Variants in AKT3 observed in about 807,000 individuals in gnomAD.
The protein encoded by AKT3 is RAC-gamma serine/threonine-protein kinase.
A neutral mutation model predicts 65.3 loss-of-function variants in AKT3; 15 were observed. That is an observed-to-expected ratio of 0.23 (90% CI 0.15 to 0.35). The LOEUF is 0.35. AKT3 is among the 10% of genes least tolerant of loss of function. The probability of loss-of-function intolerance (pLI) is 1.00; values close to 1 mark genes in which losing one functional copy is unlikely to be tolerated. For missense variants in AKT3, 243 were observed against 576.5 expected (o/e 0.42, Z 5.92); for synonymous variants, 206 against 183.8 (o/e 1.12, Z -0.98).
intron 2 of AKT3, among the ~76,000 whole-genome samples, chr1:243,701,380 A>G (rs368423444): frequency 6.6e-5 from 10 of 152,208 alleles, no homozygotes; most frequent in Non-Finnish European, 1.3e-4. Flanking sequence ...CATGAAAGGT[A>G]GAAAGATGTG....
At chr1:243,751,957 A>G (rs1688834799) in intron 2 of AKT3, among the ~76,000 whole-genome samples, 1 of 151,890 alleles carries the variant, frequency 6.6e-6, no homozygotes. Context: ...CTCAACCAAA[A>G]CTCTACTAGC....
intron 2 of AKT3, among the ~76,000 whole-genome samples, chr1:243,791,655 GC>G (rs1370080465): frequency 6.6e-6 from 1 of 152,166 alleles, no homozygotes; most frequent in Non-Finnish European, 1.5e-5. Flanking sequence ...AAGAAATCTT[GC>G]CCCCTTCCCT....
intron 2 of AKT3, among the ~76,000 whole-genome samples, chr1:243,786,915 A>C (rs924158981): frequency 6.6e-6 from 1 of 152,188 alleles, no homozygotes; most frequent in Non-Finnish European, 1.5e-5. Flanking sequence ...AAAGGAAATT[A>C]AAGAAGGCAA....
At chr1:243,755,067 AAT>A (rs1398268269) in intron 2 of AKT3, among the ~76,000 whole-genome samples, 2 of 151,888 alleles carry the variant, frequency 1.3e-5, no homozygotes, top group Admixed American at 6.6e-5. Flanking sequence ...AGTCCTTTTT[AAT>A]TATTATTGGT....
intron 2 of AKT3, among the ~76,000 whole-genome samples, chr1:243,775,370 T>C (rs1049211899): frequency 2.0e-5 from 3 of 152,138 alleles, no homozygotes; most frequent in Non-Finnish European, 2.9e-5. Flanking sequence ...TTAGTAGAGA[T>C]GGGGTTTTAC....
At chr1:243,637,580 AT>A in intron 6 of AKT3, 30 bp downstream of exon 6, 2 of 1,563,444 alleles carry the variant, frequency 1.3e-6, no homozygotes, top group Non-Finnish European at 8.7e-7. Context: ...GCAAACAAAA[AT>A]TTAGTAATCA....
At chr1:243,660,069 T>C (rs1406778258) in intron 4 of AKT3, among the ~76,000 whole-genome samples, 1 of 151,970 alleles carries the variant, frequency 6.6e-6, no homozygotes, top group African/African-American at 2.4e-5. Context: ...CAGTTCCTCC[T>C]TGTACCTCTG....
chr1:243,703,128 G>C (rs543247986), intron 2 of AKT3: 1 of 152,182 alleles, frequency 6.6e-6, no homozygotes, highest in South Asian at 2.1e-4. Flanking sequence ...ATATTTAGTT[G>C]CCTGTTGACA....
In AKT3 at chr1:243,545,549, G is replaced by C; in HGVS notation, c.1212C>G (p.Phe404Leu). The C allele has an allele frequency of 6.2e-7, 1 of 1,612,810 alleles. No homozygotes were observed. Among genetic ancestry groups the C allele is most frequent in the South Asian group, 1.1e-5 (1 of 91,018 alleles). Residue 404 changes from phenylalanine (F) to leucine (L), a missense_variant, in exon 12 of 14, where the codon TTC becomes TTG. Phe to Leu is a conservative substitution (Grantham distance 22). Around this residue, in one of 6 missense-constraint regions of AKT3, gnomAD observed 57 missense variants for 107.6 expected, o/e 0.53. Transcript: ENST00000673466. ...DDAKEIMRHS[F>L]FSGVNWQDVY... ...CATCTTGCCAGTTTACTCCAGAGAA[G>C]AAACTGTGTCTCATAATTTCTTTTG...
At chr1:243,583,808 C>A (rs920067879) in intron 8 of AKT3, among the ~76,000 whole-genome samples, 1 of 151,906 alleles carries the variant, frequency 6.6e-6, no homozygotes, top group African/African-American at 2.4e-5. Flanking sequence ...ATTCCAGGGA[C>A]GCAGCAAAAG....
intron 3 of AKT3, among the ~76,000 whole-genome samples, chr1:243,683,232 A>C (rs1684046177): frequency 6.6e-6 from 1 of 152,148 alleles, no homozygotes. Context: ...ATGAGAAAAC[A>C]TATGTGAAAG....
intron 6 of AKT3, among the ~76,000 whole-genome samples, chr1:243,628,626 C>T (rs1369617346): frequency 6.6e-6 from 1 of 152,192 alleles, no homozygotes; most frequent in African/African-American, 2.4e-5. Context: ...TCCAGATCAA[C>T]TTTGGAACCA....
Position 243,500,255 on chromosome 1 carries a change from A to G in AKT3, c.*4994T>C, listed in dbSNP as rs542088024. The G allele has an allele frequency of 1.9e-3, 455 of 234,504 alleles. 1 individual carries two copies. The highest frequency in any genetic ancestry group is 3.0e-3 in the South Asian group (19 of 6,326). The allele number at this position is 234,504 out of a possible 1,614,324, so 14.5% of individuals were successfully genotyped here. On this transcript the variant is annotated 3_prime_UTR_variant, in exon 14 of 14. Coordinates refer to ENST00000673466, the MANE Select transcript of AKT3 (RefSeq NM_005465.7). ...ATCAATCATCCTTCACCTTTAATCAATGTCCCATCAGACTCCATTTTATTT... is the reference window on the plus strand; with the variant it reads ...ATCAATCATCCTTCACCTTTAATCAGTGTCCCATCAGACTCCATTTTATTT...
intron 8 of AKT3, among the ~76,000 whole-genome samples, chr1:243,592,163 G>A (rs879282461): frequency 6.6e-5 from 10 of 151,806 alleles, no homozygotes; most frequent in African/African-American, 9.7e-5. Context: ...GTGAAACCCC[G>A]TCGCTACTAA....
At chr1:243,703,052 C>CA (rs2148049861) in intron 2 of AKT3, 1 of 152,238 alleles carries the variant, frequency 6.6e-6, no homozygotes, top group African/African-American at 2.4e-5. Context: ...TTACCTAAGA[C>CA]AAAAACAGAT....
chr1:243,643,272 GT>G (rs1292041230), intron 5 of AKT3, among the ~76,000 whole-genome samples: 2 of 152,196 alleles, frequency 1.3e-5, no homozygotes, highest in Non-Finnish European at 2.9e-5. Context: ...GTCAAACTTA[GT>G]GGGAAAGCAG....
chr1:243,843,471 T>C (rs1311999825), intron 1 of AKT3, 189 bp from the exon 2 acceptor site: 1 of 1,081,762 alleles, frequency 9.2e-7, no homozygotes, highest in Non-Finnish European at 1.1e-6. Flanking sequence ...TTGTGACCAA[T>C]TTCAAATGAT....
chr1:243,530,601 C>G (rs1671457169), intron 12 of AKT3, among the ~76,000 whole-genome samples: 1 of 152,134 alleles, frequency 6.6e-6, no homozygotes, highest in African/African-American at 2.4e-5. Flanking sequence ...TGTAACATCA[C>G]AACTAGAAGA....
chr1:243,810,928 G>A (rs978766722), intron 2 of AKT3, among the ~76,000 whole-genome samples: 19 of 152,044 alleles, frequency 1.2e-4, no homozygotes, highest in African/African-American at 4.1e-4. Flanking sequence ...CAAAAACCAT[G>A]ATTATCTCAA....
Sources: allele counts gnomAD v4.1 joint callset (sites outside exome capture counted in the v4.1 genomes callset), GRCh38; gene constraint gnomAD v4.1.1; regional missense constraint gnomAD v4.1.1; transcripts MANE v1.5; gene names NCBI Gene and HGNC (gene_info 2026-07-23, HGNC 2026-07-21).